NUP210L: variants seen among roughly 807,000 people sequenced by gnomAD.
The protein encoded by NUP210L is nucleoporin 210 like, also known as nuclear pore membrane glycoprotein 210-like.
Under a neutral mutation model 208.5 loss-of-function variants are expected in NUP210L, and 74 were observed. That is an observed-to-expected ratio of 0.35 (90% CI 0.29 to 0.43). NUP210L has a LOEUF of 0.43. Among genes scored for constraint, NUP210L ranks in the 20% least tolerant of loss-of-function variants. The pLI, the probability that NUP210L is intolerant of heterozygous loss-of-function variation, is 1.00. For missense variants in NUP210L, 1,843 were observed against 2,289.4 expected (o/e 0.81, Z 3.98); for synonymous variants, 780 against 816.9 (o/e 0.95, Z 0.77).
At chr1:154,056,862 T>G (rs773967499) in exon 23 of NUP210L, 1 of 1,602,232 alleles carries the variant, frequency 6.2e-7, no homozygotes, top group Non-Finnish European at 8.5e-7. Flanking sequence ...ATCTTGTCCT[T>G]GGCAATAGCC....
At chr1:154,000,725 C>CA in intron 37 of NUP210L, 131 bp downstream of exon 37, 2 of 740,332 alleles carry the variant, frequency 2.7e-6, no homozygotes. Context: ...AGGAGTTTTT[C>CA]ATTTATTTTT....
intron 27 of NUP210L, among the ~76,000 whole-genome samples, chr1:154,034,938 T>A (rs987758812): frequency 6.6e-6 from 1 of 151,268 alleles, no homozygotes; most frequent in Non-Finnish European, 1.5e-5. Flanking sequence ...GCCTCCCAGG[T>A]TCAAGTGATT....
chr1:154,015,955 A>T (rs563759311), intron 33 of NUP210L, among the ~76,000 whole-genome samples: 9 of 143,380 alleles, frequency 6.3e-5, no homozygotes, highest in African/African-American at 7.9e-5. Context: ...TAAATAAATA[A>T]AAATAAAAAA....
intron 33 of NUP210L, among the ~76,000 whole-genome samples, chr1:154,012,778 C>T (rs958682357): frequency 3.3e-5 from 5 of 151,396 alleles, no homozygotes; most frequent in Admixed American, 1.3e-4. Flanking sequence ...CCGAGGCGGG[C>T]GGCTCACCTG....
intron 23 of NUP210L, among the ~76,000 whole-genome samples, chr1:154,055,674 G>A (rs1390875710): frequency 6.6e-6 from 1 of 152,098 alleles, no homozygotes; most frequent in Non-Finnish European, 1.5e-5. Context: ...GGGATTACAG[G>A]CATGAGCCAC....
chr1:154,036,304 C>G (rs1652537198), intron 27 of NUP210L, among the ~76,000 whole-genome samples: 1 of 136,426 alleles, frequency 7.3e-6, no homozygotes, highest in African/African-American at 2.8e-5. Context: ...ATGTATAGGA[C>G]AGTTGGAACA....
chr1:153,997,333 G>T (rs1649949324), intron 37 of NUP210L, among the ~76,000 whole-genome samples: 4 of 151,286 alleles, frequency 2.6e-5, no homozygotes, highest in Middle Eastern at 3.4e-3. Context: ...TAGAGATGAG[G>T]TCTCTCTATG....
intron 16 of NUP210L, among the ~76,000 whole-genome samples, chr1:154,072,220 C>T (rs1407399989): frequency 6.6e-6 from 1 of 151,818 alleles, no homozygotes; most frequent in Non-Finnish European, 1.5e-5. Context: ...TCCATAGTGG[C>T]TGTACTAGTT....
At chr1:154,032,429 G>A (rs1652278095) in intron 27 of NUP210L, among the ~76,000 whole-genome samples, 3 of 151,770 alleles carry the variant, frequency 2.0e-5, no homozygotes. Context: ...CTGTAGTTTT[G>A]ATTTGCATTT....
chr1:154,001,645 A>C (rs773687465), intron 36 of NUP210L, 90 bp downstream of exon 36: 11 of 1,334,124 alleles, frequency 8.2e-6, no homozygotes, highest in South Asian at 1.3e-5. Context: ...TAGGTCACTC[A>C]GTAACTTCTT....
chr1:154,089,321 A>T (rs1425772926), intron 16 of NUP210L, 100 bp downstream of exon 16: 1 of 970,682 alleles, frequency 1.0e-6, no homozygotes, highest in East Asian at 2.4e-5. Context: ...TGATCTGGCA[A>T]TTCTACTTCT....
intron 27 of NUP210L, among the ~76,000 whole-genome samples, chr1:154,035,058 T>C (rs1422772020): frequency 6.6e-6 from 1 of 152,050 alleles, no homozygotes; most frequent in Non-Finnish European, 1.5e-5. Flanking sequence ...GTCAGGCTGG[T>C]CTCAAACTCC....
chr1:154,136,000 T>G (rs766597106), intron 6 of NUP210L, 28 bp from the exon 7 acceptor site: 1 of 1,505,962 alleles, frequency 6.6e-7, no homozygotes, highest in East Asian at 2.3e-5. Context: ...TACATAAATG[T>G]AATGACAGCA....
At chr1:154,049,371 G>A (rs940574334) in intron 25 of NUP210L, among the ~76,000 whole-genome samples, 5 of 152,130 alleles carry the variant, frequency 3.3e-5, no homozygotes, top group African/African-American at 9.7e-5. Flanking sequence ...AATAGGGTAC[G>A]TCCCTAGTAT....
chr1:154,071,273 A>C lies in NUP210L; in HGVS notation c.2362-808T>G, dbSNP rs373663021. 8.6e-5 allele frequency among the ~76,000 whole-genome samples: 13 copies of C among 150,796 alleles called. No individual in the cohort carries two copies. The East Asian group carries it at 2.1e-3, about 25-fold the overall frequency. On this transcript the variant is annotated intron_variant, in intron 16 of 39. Coordinates refer to ENST00000368559, the Ensembl canonical transcript of NUP210L. ...CACCACACCTGGATAACTTTTTTTTAATTTTTATTAATTTTAATTTTTAAA... is the reference window on the plus strand; with the variant it reads ...CACCACACCTGGATAACTTTTTTTTCATTTTTATTAATTTTAATTTTTAAA...
intron 30 of NUP210L, among the ~76,000 whole-genome samples, chr1:154,024,936 T>TG (rs1303279365): frequency 2.1e-5 from 3 of 143,882 alleles, no homozygotes; most frequent in Admixed American, 6.9e-5. Flanking sequence ...TTTTTTTTTT[T>TG]TTTTTTTTTT....
intron 16 of NUP210L, among the ~76,000 whole-genome samples, chr1:154,076,233 A>G (rs1281435506): frequency 6.7e-6 from 1 of 150,182 alleles, no homozygotes; most frequent in Non-Finnish European, 1.5e-5. Context: ...CCTCCCTAGT[A>G]GCTGGGACTA....
chr1:154,012,934 A>C (rs1190142632), intron 33 of NUP210L, among the ~76,000 whole-genome samples: 1 of 143,574 alleles, frequency 7.0e-6, no homozygotes, highest in Admixed American at 7.3e-5. Flanking sequence ...TGAACCTGGG[A>C]GGCAGAGGTT....
At chr1:154,125,670 GAA>G (rs1342447015) in intron 10 of NUP210L, among the ~76,000 whole-genome samples, 3 of 2,422 alleles carry the variant, frequency 1.2e-3, no homozygotes, top group African/African-American at 3.0e-3. Context: ...AGGAAGGAAG[GAA>G]GGAAGGAAGG....
Sources: gnomAD v4.1 joint callset for allele counts (sites outside exome capture counted in the v4.1 genomes callset) on GRCh38, gnomAD v4.1.1 for gene constraint, MANE v1.5 for transcripts, NCBI Gene and HGNC (gene_info 2026-07-23, HGNC 2026-07-21) for gene names.